The following CPD variants were observed in gnomAD, a reference collection of about 807,000 sequenced individuals.
CPD encodes the protein metallocarboxypeptidase D.
Under a neutral mutation model 138.3 loss-of-function variants are expected in CPD, and 69 were observed. The ratio of observed to expected loss-of-function variants is 0.50; its 90% CI spans 0.41 to 0.61. CPD has a LOEUF of 0.61. CPD is among the 20% of genes least tolerant of loss of function. The probability of loss-of-function intolerance (pLI) is 0.00; values close to 1 mark genes in which losing one functional copy is unlikely to be tolerated. For synonymous variants in CPD, 651 were observed against 642.1 expected (o/e 1.01, Z -0.21); for missense variants, 1,432 against 1,733.3 (o/e 0.83, Z 3.09).
rs1341304995 is a variant in CPD at position 30,466,738 on chromosome 17, C to A, written c.*1924C>A. 1 of 152,612 alleles carries A rather than the reference C, an allele frequency of 6.6e-6. No individual in the cohort carries two copies. The highest frequency in any genetic ancestry group is 2.4e-5 in the African/African-American group (1 of 41,460). The allele number at this position is 152,612 out of a possible 1,614,324, so 9.5% of individuals were successfully genotyped here. Reference sequence around the variant, plus strand: ...AGTGAAACAAAGTTAATGTGACAAGCTTTGCTTTGTTATCATTGGTCTTCA... The same window carrying A: ...AGTGAAACAAAGTTAATGTGACAAGATTTGCTTTGTTATCATTGGTCTTCA... On this transcript the variant is annotated 3_prime_UTR_variant, in exon 21 of 21. Coordinates refer to ENST00000225719, the MANE Select transcript of CPD (RefSeq NM_001304.5).
Position 30,422,661 on chromosome 17 carries a change from A to ATT in CPD, c.1308-5_1308-4dup. 1 of 1,532,298 alleles carries ATT rather than the reference A, an allele frequency of 6.5e-7. No individual in the cohort carries two copies. The allele number at this position is 1,532,298 out of a possible 1,614,324, so 94.9% of individuals were successfully genotyped here. ...AACTATAAACCATTTACTTTTTCAA[A>ATT]TTTTTTTTTCAGGTATATGCCATTG... On this transcript the variant is annotated splice_polypyrimidine_tract_variant and intron_variant, in intron 4 of 20. Coordinates refer to ENST00000225719, the MANE Select transcript of CPD (RefSeq NM_001304.5).
Position 30,464,610 on chromosome 17 carries a change from C to A in CPD, c.3939C>A (p.Ile1313=). The part of the protein sequence containing the change: ...TVSGATMSAL[I]LTACIIWCIC... ...CAGGTGCTACTATGTCGGCATTGAT[C>A]CTAACAGCTTGCATTATTTGGTGCA... The change falls in exon 21 of 21, where the codon ATC becomes ATA. Residue 1313 remains isoleucine (I), a synonymous_variant. Transcript: ENST00000225719. The A allele has an allele frequency of 5.0e-6, 8 of 1,613,708 alleles. No individual in the cohort carries two copies. Among genetic ancestry groups the A allele is most frequent in the Non-Finnish European group, 6.8e-6 (8 of 1,179,830 alleles).
chr17:30,437,832 GTTTAT>G (rs1912744856), intron 8 of CPD, among the ~76,000 whole-genome samples: 1 of 151,706 alleles, frequency 6.6e-6, no homozygotes, highest in Non-Finnish European at 1.5e-5. Context: ...GATGGGGATC[GTTTAT>G]TTTATTTTGT....
chr17:30,380,660 G>T, intron 1 of CPD: 1 of 1,494,262 alleles, frequency 6.7e-7, no homozygotes, highest in Non-Finnish European at 9.0e-7. Flanking sequence ...GGTGTACCCA[G>T]TTAAACTTTA....
intron 2 of CPD, among the ~76,000 whole-genome samples, chr17:30,402,018 T>C (rs1449901383): frequency 1.3e-5 from 2 of 151,792 alleles, no homozygotes; most frequent in African/African-American, 4.8e-5. Flanking sequence ...GTAGGCCTTT[T>C]GCTATTGTTC....
chr17:30,461,121 C>T (rs772269226), intron 17 of CPD, 59 bp from the exon 18 acceptor site: 18 of 1,371,600 alleles, frequency 1.3e-5, no homozygotes, highest in Non-Finnish European at 1.7e-5. Context: ...ATTACAAAGC[C>T]TTATTCTTTC....
intron 2 of CPD, among the ~76,000 whole-genome samples, chr17:30,397,908 G>T (rs1911553038): frequency 6.6e-6 from 1 of 150,922 alleles, no homozygotes; most frequent in Non-Finnish European, 1.5e-5. Context: ...ATGGTGCAGT[G>T]GTTCACACAG....
intron 2 of CPD, among the ~76,000 whole-genome samples, chr17:30,402,538 C>G (rs1439053717): frequency 6.6e-6 from 1 of 152,140 alleles, no homozygotes; most frequent in Non-Finnish European, 1.5e-5. Flanking sequence ...TGCACTCAAG[C>G]CTGGGTGACA....
At chr17:30,452,645 A>C (rs566892942) in intron 14 of CPD, among the ~76,000 whole-genome samples, 96 of 149,068 alleles carry the variant, frequency 6.4e-4, no homozygotes, top group African/African-American at 2.3e-3. Context: ...ACCATTTTCT[A>C]CTGATAGATA....
At chr17:30,400,748 C>T (rs890442561) in intron 2 of CPD, among the ~76,000 whole-genome samples, 2 of 144,458 alleles carry the variant, frequency 1.4e-5, no homozygotes, top group African/African-American at 5.3e-5. Flanking sequence ...AGCTTTGCCT[C>T]CTGGGTTCAC....
chr17:30,379,771 GC>G lies in CPD; in HGVS notation c.746+47del. On this transcript the variant is annotated intron_variant, in intron 1 of 20. Transcript: ENST00000225719. This position sits in a 1 kb window ranked among gnomAD's most constrained non-coding sequence, Gnocchi z 7.0. ...TCCCCGTCCGTGTGAGCCTCCAAGG[GC>G]CGAGGCTGGTTCCGGCACCCAGTAG... is the stretch of plus-strand genomic sequence containing the variant. 1 of 1,340,936 alleles carries G rather than the reference GC, an allele frequency of 7.5e-7. No homozygotes were observed. The highest frequency in any genetic ancestry group is 1.7e-5 in the South Asian group (1 of 57,454). 83.1% of individuals were successfully genotyped at this position (1,340,936 alleles called of 1,614,324 possible).
chr17:30,386,010 G>T (rs1257655242), intron 2 of CPD, among the ~76,000 whole-genome samples: 1 of 151,710 alleles, frequency 6.6e-6, no homozygotes, highest in Non-Finnish European at 1.5e-5. Flanking sequence ...CAGCAACCAG[G>T]TCTCTCCATT....
intron 2 of CPD, among the ~76,000 whole-genome samples, chr17:30,404,991 A>G (rs1471018714): frequency 6.6e-6 from 1 of 152,140 alleles, no homozygotes; most frequent in Admixed American, 6.5e-5. Context: ...GTTAAATTCC[A>G]TATGGATTAA....
chr17:30,395,235 A>G (rs114158892), intron 2 of CPD, among the ~76,000 whole-genome samples: 1,809 of 138,392 alleles, frequency 0.013, 32 homozygotes, highest in African/African-American at 0.046. Context: ...AAGTGAATGC[A>G]TTTCGTACTG....
chr17:30,413,245 A>G (rs1407557704), intron 2 of CPD, among the ~76,000 whole-genome samples: 1 of 152,230 alleles, frequency 6.6e-6, no homozygotes, highest in Non-Finnish European at 1.5e-5. Context: ...GTGTATATGT[A>G]CAAGTTAAAG....
Position 30,469,645 on chromosome 17 carries a change from AAG to A in CPD, c.*4833_*4834del, listed in dbSNP as rs1002500138. 1.7e-4 allele frequency: 26 copies of A among 152,206 alleles called. No homozygotes were observed. The highest frequency in any genetic ancestry group is 4.1e-4 in the South Asian group (2 of 4,836). 9.4% of individuals were successfully genotyped at this position (152,206 alleles called of 1,614,324 possible). A position where few individuals can be genotyped will look rare whatever the true frequency, so the allele number is the denominator to read the frequency against. On this transcript the variant is annotated 3_prime_UTR_variant, in exon 21 of 21. Coordinates refer to ENST00000225719, the MANE Select transcript of CPD (RefSeq NM_001304.5). ...AGAAATTCTGAGACACAAATAAAAA[AAG>A]AAATTTTTTATTATGTGGTTCAATA...
chr17:30,378,955 G>C lies in CPD; in HGVS notation c.-26G>C, dbSNP rs1053774477. 8 of 1,462,524 alleles carry C rather than the reference G, an allele frequency of 5.5e-6. No individual in the cohort carries two copies. The highest frequency in any genetic ancestry group is 1.4e-5 in the South Asian group (1 of 72,708). 90.6% of individuals were successfully genotyped at this position (1,462,524 alleles called of 1,614,324 possible). ...CGGAGCGCTGAGCCGCGGGAGCGGA[G>C]CCGGGGTTAGCGGCGCTGCTGGAAG... On this transcript the variant is annotated 5_prime_UTR_variant, in exon 1 of 21. Transcript: ENST00000225719.
chr17:30,457,888 C>A (rs1261888216), intron 17 of CPD, among the ~76,000 whole-genome samples: 2 of 152,096 alleles, frequency 1.3e-5, no homozygotes, highest in East Asian at 1.9e-4. Context: ...GGCTGGAGTT[C>A]TTTATATATT....
chr17:30,380,443 C>T (rs1374781612), intron 1 of CPD: 2 of 1,233,118 alleles, frequency 1.6e-6, no homozygotes, highest in Admixed American at 4.3e-5. Context: ...ATCTGTGAGC[C>T]GCTTCATTTT....
Sources: allele counts gnomAD v4.1 joint callset (sites outside exome capture counted in the v4.1 genomes callset), GRCh38; gene constraint gnomAD v4.1.1; non-coding constraint Gnocchi (gnomAD v3.1); transcripts MANE v1.5; gene names NCBI Gene and HGNC (gene_info 2026-07-23, HGNC 2026-07-21).